The following MAGI2 variants were observed in gnomAD, a reference collection of about 807,000 sequenced individuals.
The protein encoded by MAGI2 is membrane associated guanylate kinase, WW and PDZ domain containing 2.
In MAGI2, 35 loss-of-function variants were observed where a neutral mutation model predicts 133.3. That is an observed-to-expected ratio of 0.26 (90% CI 0.20 to 0.35). MAGI2 has a LOEUF of 0.35. Ranked by LOEUF, MAGI2 falls within the 10% of genes least tolerant of loss-of-function variation. The pLI is 1.00. For missense variants in MAGI2, 1,636 were observed against 1,863.4 expected, an observed-to-expected ratio of 0.88 and a Z score of 2.25; for synonymous variants, 729 against 710.6, an observed-to-expected ratio of 1.03 and a Z score of -0.41.
chr7:78,565,195 C>T (rs1037251098), intron 3 of MAGI2, among the ~76,000 whole-genome samples: 23 of 152,094 alleles, frequency 1.5e-4, no homozygotes, highest in African/African-American at 5.5e-4. Context: ...GGCACGGTGG[C>T]TTGCACCTGT....
At chr7:79,200,067 G>C (rs143735322) in intron 1 of MAGI2, among the ~76,000 whole-genome samples, 1 of 151,626 alleles carries the variant, frequency 6.6e-6, no homozygotes, top group Non-Finnish European at 1.5e-5. Context: ...ATTTGTGGCT[G>C]TCAATTACAG....
chr7:78,864,867 A>G (rs577615408), intron 2 of MAGI2, among the ~76,000 whole-genome samples: 1 of 152,304 alleles, frequency 6.6e-6, no homozygotes, highest in African/African-American at 2.4e-5. Flanking sequence ...AAAGAAGAGA[A>G]AGGGCAGTGA....
chr7:79,225,117 T>C (rs2129553703), intron 1 of MAGI2, among the ~76,000 whole-genome samples: 1 of 152,318 alleles, frequency 6.6e-6, no homozygotes, highest in African/African-American at 2.4e-5. Flanking sequence ...CTCCTCCAAG[T>C]AATTATGCCT....
At chr7:78,236,349 A>AT (rs532445568) in intron 10 of MAGI2, among the ~76,000 whole-genome samples, 95 of 152,236 alleles carry the variant, frequency 6.2e-4, no homozygotes, top group Admixed American at 1.4e-3. Context: ...AGTTTTGTTC[A>AT]TTTTTATACA....
chr7:78,775,735 A>G (rs1303374328), intron 2 of MAGI2, among the ~76,000 whole-genome samples: 1 of 152,190 alleles, frequency 6.6e-6, no homozygotes, highest in African/African-American at 2.4e-5. Context: ...TAATTCTCAC[A>G]ATAACTTAGA....
intron 2 of MAGI2, among the ~76,000 whole-genome samples, chr7:78,954,531 G>A (rs2115609380): frequency 6.6e-6 from 1 of 152,232 alleles, no homozygotes; most frequent in Admixed American, 6.5e-5. Flanking sequence ...GATAAAATAT[G>A]TCCAGCCAGT....
intron 9 of MAGI2, among the ~76,000 whole-genome samples, chr7:78,280,060 G>A (rs189960190): frequency 1.3e-5 from 2 of 152,124 alleles, no homozygotes; most frequent in African/African-American, 2.4e-5. Context: ...CCTTCAGAGT[G>A]ACCTCTGGGA....
intron 15 of MAGI2, among the ~76,000 whole-genome samples, chr7:78,163,553 C>T (rs533561549): frequency 1.3e-5 from 2 of 152,254 alleles, no homozygotes; most frequent in South Asian, 2.1e-4. Flanking sequence ...ACAATGCCTG[C>T]CAGGTAAGAT....
At chr7:78,314,555 T>C (rs1787209642) in intron 9 of MAGI2, among the ~76,000 whole-genome samples, 1 of 152,178 alleles carries the variant, frequency 6.6e-6, no homozygotes, top group African/African-American at 2.4e-5. Context: ...TCCAGAACTT[T>C]GAAACTTTAG....
chr7:79,042,281 T>C (rs1424218658), intron 1 of MAGI2, among the ~76,000 whole-genome samples: 1 of 152,242 alleles, frequency 6.6e-6, no homozygotes, highest in Non-Finnish European at 1.5e-5. Flanking sequence ...CATTATGTGA[T>C]ACATTTCTGT....
intron 1 of MAGI2, among the ~76,000 whole-genome samples, chr7:79,310,763 G>A (rs35035926): frequency 0.56 from 85,103 of 151,846 alleles, 26,446 homozygotes; most frequent in Non-Finnish European, 0.69. Context: ...ATCACTATGA[G>A]CAAATTGTGA....
chr7:78,365,993 T>C (rs1182572026), intron 7 of MAGI2, among the ~76,000 whole-genome samples: 2 of 152,220 alleles, frequency 1.3e-5, no homozygotes, highest in African/African-American at 4.8e-5. Flanking sequence ...AACTGCTAAA[T>C]TGGACCTCTT....
intron 6 of MAGI2, among the ~76,000 whole-genome samples, chr7:78,435,051 C>T (rs1248770983): frequency 6.6e-6 from 1 of 152,118 alleles, no homozygotes. Context: ...CTTGGGTTTT[C>T]ATCCCAGGTC....
At chr7:79,230,972 A>T (rs1831318500) in intron 1 of MAGI2, among the ~76,000 whole-genome samples, 1 of 115,016 alleles carries the variant, frequency 8.7e-6, no homozygotes, top group Non-Finnish European at 1.9e-5. Flanking sequence ...TTTTTGTATA[A>T]AGTGTAAGGA....
At chr7:78,537,129 G>A (rs1798019640) in intron 3 of MAGI2, among the ~76,000 whole-genome samples, 1 of 151,274 alleles carries the variant, frequency 6.6e-6, no homozygotes. Context: ...TGCTGGGAAT[G>A]CCATTATTTC....
At chr7:78,706,337 C>T (rs1818640543) in intron 2 of MAGI2, among the ~76,000 whole-genome samples, 1 of 152,016 alleles carries the variant, frequency 6.6e-6, no homozygotes, top group South Asian at 2.1e-4. Context: ...TTTTCTCTTG[C>T]CACCATCATA....
At chr7:78,165,619 G>A (rs1163282480) in intron 15 of MAGI2, among the ~76,000 whole-genome samples, 2 of 152,130 alleles carry the variant, frequency 1.3e-5, no homozygotes, top group South Asian at 2.1e-4. Context: ...CTCTGTGCAA[G>A]GGGGTGGCGA....
chr7:79,192,974 G>A (rs940023669), intron 1 of MAGI2, among the ~76,000 whole-genome samples: 1 of 151,846 alleles, frequency 6.6e-6, no homozygotes, highest in African/African-American at 2.4e-5. Context: ...TAGAATGAGG[G>A]CAGAGTGGGC....
chr7:78,155,320 G>A (rs1003412812), intron 16 of MAGI2, among the ~76,000 whole-genome samples: 2 of 152,176 alleles, frequency 1.3e-5, no homozygotes, highest in African/African-American at 2.4e-5. Flanking sequence ...TGGAAGTCAA[G>A]AAGGATAATC....
Sources: allele counts gnomAD v4.1 joint callset (sites outside exome capture counted in the v4.1 genomes callset), GRCh38; gene constraint gnomAD v4.1.1; transcripts MANE v1.5; gene names NCBI Gene and HGNC (gene_info 2026-07-23, HGNC 2026-07-21).